Variants in CDH12 observed in about 807,000 individuals in gnomAD.
CDH12 encodes cadherin 12.
In CDH12, 41 loss-of-function variants were observed where a neutral mutation model predicts 74.1. The ratio of observed to expected loss-of-function variants is 0.55; its 90% CI spans 0.43 to 0.72. CDH12 has a LOEUF of 0.72. Ranked by LOEUF, CDH12 falls within the 30% of genes least tolerant of loss-of-function variation. CDH12 has a pLI of 0.00. For missense variants in CDH12, 945 were observed against 977.2 expected, an observed-to-expected ratio of 0.97 and a Z score of 0.44; for synonymous variants, 399 against 355.0, an observed-to-expected ratio of 1.12 and a Z score of -1.39.
Position 22,187,115 on chromosome 5 carries a change from G to A in CDH12, c.-187+25383C>T, listed in dbSNP as rs1459984070. Among the ~76,000 whole-genome samples, 4 of 152,276 alleles carry A rather than the reference G, an allele frequency of 2.6e-5. No homozygotes were observed. The East Asian group carries it at 7.7e-4, about 29-fold the overall frequency. On this transcript the variant is annotated intron_variant, in intron 4 of 14. Coordinates refer to ENST00000382254, the MANE Select transcript of CDH12 (RefSeq NM_004061.5). ...ACAAAGTTACTGGTGTTACTAATAAGTGCACGTGGTTTGCAACTGATTGCT... is the reference window on the plus strand; with the variant it reads ...ACAAAGTTACTGGTGTTACTAATAAATGCACGTGGTTTGCAACTGATTGCT...
chr5:22,810,117 A>C (rs1206615355), intron 1 of CDH12, among the ~76,000 whole-genome samples: 1 of 152,210 alleles, frequency 6.6e-6, no homozygotes, highest in Non-Finnish European at 1.5e-5. Context: ...CCAAATCATT[A>C]GTTTGTATTT....
At chr5:22,798,894 G>A (rs968766578) in intron 1 of CDH12, among the ~76,000 whole-genome samples, 6 of 152,168 alleles carry the variant, frequency 3.9e-5, no homozygotes, top group African/African-American at 1.4e-4. Context: ...TAGCCAGATT[G>A]CTTTGAGCCC....
At chr5:22,821,296 C>T (rs1749686205) in intron 1 of CDH12, among the ~76,000 whole-genome samples, 1 of 152,124 alleles carries the variant, frequency 6.6e-6, no homozygotes. Context: ...TAGGCAAAAA[C>T]TGGGAGTATT....
chr5:22,237,786 G>A (rs1382755678), intron 3 of CDH12, among the ~76,000 whole-genome samples: 3 of 152,142 alleles, frequency 2.0e-5, no homozygotes, highest in Non-Finnish European at 4.4e-5. Context: ...AGAAGATGAG[G>A]AAGCCATATG....
chr5:21,841,402 T>C (rs996711546), intron 8 of CDH12, among the ~76,000 whole-genome samples: 2 of 151,768 alleles, frequency 1.3e-5, no homozygotes, highest in African/African-American at 4.8e-5. Context: ...ACTTTTACAC[T>C]GTTGGTGGGA....
At chr5:22,130,042 T>G (rs1746099017) in intron 4 of CDH12, among the ~76,000 whole-genome samples, 1 of 151,642 alleles carries the variant, frequency 6.6e-6, no homozygotes. Context: ...ATGAGAAATT[T>G]AAATTTGAGA....
chr5:22,360,472 G>T (rs936407657), intron 3 of CDH12, among the ~76,000 whole-genome samples: 1 of 152,122 alleles, frequency 6.6e-6, no homozygotes, highest in African/African-American at 2.4e-5. Flanking sequence ...AGGAACAGAC[G>T]GATTCACAGC....
chr5:22,358,785 G>C (rs1740673732), intron 3 of CDH12, among the ~76,000 whole-genome samples: 1 of 152,146 alleles, frequency 6.6e-6, no homozygotes, highest in Non-Finnish European at 1.5e-5. Flanking sequence ...ATGCTGCTTT[G>C]TCAAGCCAAA....
At chr5:22,037,876 C>T (rs1179981517) in intron 5 of CDH12, among the ~76,000 whole-genome samples, 1 of 152,112 alleles carries the variant, frequency 6.6e-6, no homozygotes, top group Non-Finnish European at 1.5e-5. Flanking sequence ...AAATCCATGG[C>T]CTCCACCACC....
Position 22,429,668 on chromosome 5 carries a change from G to A in CDH12, c.-427-24317C>T, listed in dbSNP as rs114039029. On this transcript the variant is annotated intron_variant, in intron 2 of 14. Coordinates refer to ENST00000382254, the MANE Select transcript of CDH12 (RefSeq NM_004061.5). ...CATAAACTAAACATGAATTTATTAG[G>A]TAAATTTAATAAAAAGTTGTCTGTA... is the stretch of plus-strand genomic sequence containing the variant. Among the ~76,000 whole-genome samples the A allele has an allele frequency of 1.9e-3, 283 of 151,996 alleles. 1 individual carries two copies. The highest frequency in any genetic ancestry group is 6.5e-3 in the African/African-American group (271 of 41,438).
intron 6 of CDH12, among the ~76,000 whole-genome samples, chr5:21,938,727 T>TAC (rs1561313522): frequency 1.1e-4 from 14 of 126,808 alleles, no homozygotes; most frequent in African/African-American, 4.1e-4. Flanking sequence ...AATATACATA[T>TAC]ATATATATAT....
intron 4 of CDH12, among the ~76,000 whole-genome samples, chr5:22,108,497 T>C (rs1444866786): frequency 6.6e-6 from 1 of 152,226 alleles, no homozygotes; most frequent in East Asian, 1.9e-4. Flanking sequence ...GGAATGATTG[T>C]TTTTAGACAC....
intron 6 of CDH12, among the ~76,000 whole-genome samples, chr5:21,945,326 T>C (rs1755523146): frequency 6.8e-6 from 1 of 147,440 alleles, no homozygotes; most frequent in African/African-American, 2.5e-5. Flanking sequence ...CTTGGGAGGC[T>C]GAGGCAGGAG....
intron 6 of CDH12, among the ~76,000 whole-genome samples, chr5:21,973,490 C>T (rs1237716802): frequency 4.6e-5 from 7 of 152,146 alleles, no homozygotes; most frequent in Admixed American, 6.6e-5. Flanking sequence ...ACTCCTTACA[C>T]GAAGGCTCCA....
Position 21,985,343 on chromosome 5 carries a change from C to T in CDH12, c.232-9958G>A, listed in dbSNP as rs889656601. Among the ~76,000 whole-genome samples, 48 of 152,002 alleles carry T rather than the reference C, an allele frequency of 3.2e-4. 1 individual carries two copies. Among genetic ancestry groups the T allele is most frequent in the Non-Finnish European group, 3.2e-4 (22 of 67,974 alleles). On this transcript the variant is annotated intron_variant, in intron 5 of 14. Coordinates refer to ENST00000382254, the MANE Select transcript of CDH12 (RefSeq NM_004061.5). ...AGCAATCACATAAAGGTCTGTCCTA[C>T]TTAATACGGACATCTTTATAAAAGC...
At chr5:22,694,156 C>T (rs879914113) in intron 1 of CDH12, among the ~76,000 whole-genome samples, 25 of 152,008 alleles carry the variant, frequency 1.6e-4, no homozygotes, top group Non-Finnish European at 1.5e-4. Flanking sequence ...CCCAGGCTGA[C>T]CTCTTTCATC....
intron 6 of CDH12, chr5:21,889,899 C>T: frequency 2.1e-6 from 2 of 966,618 alleles, no homozygotes; most frequent in Non-Finnish European, 2.5e-6. Flanking sequence ...AGTTACCCCA[C>T]ACTGGCAATG....
intron 1 of CDH12, among the ~76,000 whole-genome samples, chr5:22,820,087 T>C (rs1749608887): frequency 6.7e-6 from 1 of 148,760 alleles, no homozygotes; most frequent in Admixed American, 6.8e-5. Flanking sequence ...TTAATAGCAG[T>C]TCATACATAG....
intron 5 of CDH12, among the ~76,000 whole-genome samples, chr5:21,982,499 A>T (rs1215468384): frequency 6.6e-6 from 1 of 151,658 alleles, no homozygotes; most frequent in African/African-American, 2.4e-5. Flanking sequence ...ATCTATATAG[A>T]TATCTATACC....
Sources: allele counts gnomAD v4.1 joint callset (sites outside exome capture counted in the v4.1 genomes callset), GRCh38; gene constraint gnomAD v4.1.1; transcripts MANE v1.5; gene names NCBI Gene and HGNC (gene_info 2026-07-23, HGNC 2026-07-21).